Variants in ISOC1 observed in about 807,000 individuals in gnomAD.
ISOC1 encodes the protein isochorismatase domain containing 1, also known as isochorismatase domain-containing protein 1.
ISOC1 carries 33 observed loss-of-function variants against 30.0 expected under a neutral mutation model. That is an observed-to-expected ratio of 1.10 (90% CI 0.83 to 1.47). The LOEUF is 1.47. ISOC1 is among the 40% of genes most tolerant of loss of function. ISOC1 has a pLI of 0.00. For missense variants in ISOC1, 372 were observed against 388.0 expected, an observed-to-expected ratio of 0.96 and a Z score of 0.35; for synonymous variants, 178 against 159.8, an observed-to-expected ratio of 1.11 and a Z score of -0.86.
chr5:129,100,756 C>T (rs1463670086), intron 1 of ISOC1, among the ~76,000 whole-genome samples: 2 of 151,738 alleles, frequency 1.3e-5, no homozygotes, highest in Non-Finnish European at 2.9e-5. Flanking sequence ...TTTTAACAGC[C>T]TGTTGGAATT....
At chr5:129,097,869 T>C (rs1753524297) in intron 1 of ISOC1, 1 of 152,522 alleles carries the variant, frequency 6.6e-6, no homozygotes, top group African/African-American at 2.4e-5. Context: ...TTTGTCTTGG[T>C]GCTGCTCCTT....
At chr5:129,107,213 G>A in intron 4 of ISOC1, 151 bp downstream of exon 4, 1 of 608,596 alleles carries the variant, frequency 1.6e-6, no homozygotes, top group South Asian at 1.9e-5. Context: ...TGCACTGACT[G>A]ACCCTTAAGG....
chr5:129,104,209 G>A (rs528636671), intron 1 of ISOC1, among the ~76,000 whole-genome samples: 12 of 152,178 alleles, frequency 7.9e-5, no homozygotes, highest in Admixed American at 3.3e-4. Context: ...GTATCATTTC[G>A]TTGCATTTTG....
chr5:129,101,178 A>ATATATAT, intron 1 of ISOC1, among the ~76,000 whole-genome samples: 1 of 108,196 alleles, frequency 9.2e-6, no homozygotes, highest in African/African-American at 4.7e-5. Flanking sequence ...AAAAAAAAAA[A>ATATATAT]AAAAAAAAAA....
chr5:129,106,950 A>T lies in ISOC1; in HGVS notation c.638A>T (p.His213Leu). 6.2e-7 allele frequency: 1 copy of T among 1,611,502 alleles called. No individual in the cohort carries two copies. The highest frequency in any genetic ancestry group is 8.5e-7 in the Non-Finnish European group (1 of 1,177,790). ...RSVVLFGVET[H>L]VCIQQTALEL... ...ATTCTTGTACTTTCCTACTAGACTC[A>T]TGTGTGCATCCAACAAACTGCCCTG... Residue 213 changes from histidine to leucine, a missense_variant, in exon 4 of 5, where the codon CAT (histidine) becomes CTT (leucine). Coordinates refer to ENST00000173527, the MANE Select transcript of ISOC1 (RefSeq NM_016048.2).
At chr5:129,106,272 A>G (rs1031690322) in intron 3 of ISOC1, among the ~76,000 whole-genome samples, 19 of 152,206 alleles carry the variant, frequency 1.2e-4, no homozygotes, top group African/African-American at 4.3e-4. Flanking sequence ...TGTCATGTGA[A>G]GATAAAGTTG....
chr5:129,106,206 G>T (rs1240440746), intron 3 of ISOC1, among the ~76,000 whole-genome samples: 2 of 152,020 alleles, frequency 1.3e-5, no homozygotes, highest in East Asian at 1.9e-4. Context: ...ATCTTTGAGT[G>T]GTCCTTCAAT....
At position 129,113,216 on chromosome 5, in the gene ISOC1, CT is replaced by C. The variant is rs1561424816; in HGVS notation, c.*221del. On this transcript the variant is annotated 3_prime_UTR_variant, in exon 5 of 5. Coordinates refer to ENST00000173527, the MANE Select transcript of ISOC1 (RefSeq NM_016048.2). ...AAGGCTTCCGGTGCTGCTTACCTTC[CT>C]TTTTTGTTAATGTGCTTTTATTTAT... 1 of 417,332 alleles carries C rather than the reference CT, an allele frequency of 2.4e-6. No individual in the cohort carries two copies. The highest frequency in any genetic ancestry group is 4.2e-6 in the Non-Finnish European group (1 of 236,100). The allele number at this position is 417,332 out of a possible 1,614,324, so 25.9% of individuals were successfully genotyped here. A position where few individuals can be genotyped will look rare whatever the true frequency, so the allele number is the denominator to read the frequency against.
intron 4 of ISOC1, among the ~76,000 whole-genome samples, chr5:129,110,399 G>T (rs1753691000): frequency 1.3e-5 from 2 of 152,168 alleles, no homozygotes; most frequent in African/African-American, 4.8e-5. Context: ...GAAAGCTCCT[G>T]CTGTTCTTTC....
At chr5:129,098,842 A>G (rs1001642119) in intron 1 of ISOC1, among the ~76,000 whole-genome samples, 2 of 152,198 alleles carry the variant, frequency 1.3e-5, no homozygotes, top group African/African-American at 4.8e-5. Context: ...CAGGGGCATG[A>G]ACATTTTATA....
At chr5:129,104,078 T>C (rs1052845406) in intron 1 of ISOC1, among the ~76,000 whole-genome samples, 1 of 152,190 alleles carries the variant, frequency 6.6e-6, no homozygotes, top group African/African-American at 2.4e-5. Context: ...ATATCCACTT[T>C]TCATCTTAAT....
chr5:129,105,087 T>G lies in ISOC1; in HGVS notation c.429+12T>G. 1 of 1,613,850 alleles carries G rather than the reference T, an allele frequency of 6.2e-7. No homozygotes were observed. The highest frequency in any genetic ancestry group is 1.3e-5 in the African/African-American group (1 of 75,052). On this transcript the variant is annotated intron_variant, in intron 2 of 4. Transcript: ENST00000173527. ...TGGGACAGAGATTGGTATGCTTGTTTACTTATTTGGTCATATTTGCTGAAT... is the reference window on the plus strand; with the variant it reads ...TGGGACAGAGATTGGTATGCTTGTTGACTTATTTGGTCATATTTGCTGAAT...
rs186125373 is a variant in ISOC1, at chr5:129,100,546, C to A, written c.310-4410C>A. On this transcript the variant is annotated intron_variant, in intron 1 of 4. Transcript: ENST00000173527. ...TTATATTCCTTAAATATGCATAGAT[C>A]TGTAATTGCTATGCTTTTACTCCTG... is the stretch of plus-strand genomic sequence containing the variant. Among the ~76,000 whole-genome samples, 45 of 152,240 alleles carry A rather than the reference C, an allele frequency of 3.0e-4. No individual in the cohort carries two copies. The East Asian group carries it at 8.3e-3, about 28-fold the overall frequency.
At chr5:129,101,019 TTTTGTTTG>T (rs5871338) in intron 1 of ISOC1, among the ~76,000 whole-genome samples, 14 of 144,610 alleles carry the variant, frequency 9.7e-5, no homozygotes, top group Middle Eastern at 3.6e-3. Flanking sequence ...TCCCTATTGT[TTTTGTTTG>T]TTTGTTTGTT....
chr5:129,101,373 G>A (rs770273891), intron 1 of ISOC1, among the ~76,000 whole-genome samples: 2 of 151,560 alleles, frequency 1.3e-5, no homozygotes, highest in Non-Finnish European at 2.9e-5. Flanking sequence ...GTGCACGCCT[G>A]TAATCCCGGC....
At chr5:129,112,761 C>A in intron 4 of ISOC1, 94 bp from the exon 5 acceptor site, 1 of 1,356,820 alleles carries the variant, frequency 7.4e-7, no homozygotes, top group Non-Finnish European at 1.0e-6. Flanking sequence ...CAGTAGAGGA[C>A]ACTAATTATT....
chr5:129,098,320 G>A (rs536630606), intron 1 of ISOC1, among the ~76,000 whole-genome samples: 3 of 152,160 alleles, frequency 2.0e-5, no homozygotes, highest in Non-Finnish European at 4.4e-5. Flanking sequence ...AATGTCTGCC[G>A]ACAGCTCAGG....
intron 1 of ISOC1, among the ~76,000 whole-genome samples, chr5:129,100,159 C>G (rs1002262990): frequency 2.0e-5 from 3 of 152,152 alleles, no homozygotes; most frequent in Admixed American, 2.0e-4. Flanking sequence ...CAGATCATGC[C>G]TATTTTGTGA....
chr5:129,105,774 C>T (rs1291786325), intron 3 of ISOC1, among the ~76,000 whole-genome samples: 1 of 152,108 alleles, frequency 6.6e-6, no homozygotes, highest in South Asian at 2.1e-4. Flanking sequence ...TCAGTTAGGT[C>T]ATATTTTTGT....
Sources: allele counts gnomAD v4.1 joint callset (sites outside exome capture counted in the v4.1 genomes callset), GRCh38; gene constraint gnomAD v4.1.1; transcripts MANE v1.5; gene names NCBI Gene and HGNC (gene_info 2026-07-23, HGNC 2026-07-21).